The following MEGF11 variants were observed in gnomAD, a reference collection of about 807,000 sequenced individuals.
MEGF11 encodes multiple EGF like domains 11.
MEGF11 carries 126 observed loss-of-function variants against 146.6 expected under a neutral mutation model. That is an observed-to-expected ratio of 0.86 (90% CI 0.74 to 1.00). The LOEUF is 1.00. Ranked by LOEUF, MEGF11 falls within the 50% of genes least tolerant of loss-of-function variation. The pLI is 0.00. For synonymous variants in MEGF11, 532 were observed against 583.4 expected, an observed-to-expected ratio of 0.91 and a Z score of 1.27; for missense variants, 1,509 against 1,521.2, an observed-to-expected ratio of 0.99 and a Z score of 0.13.
At chr15:66,147,389 G>T (rs1205495856) in intron 1 of MEGF11, among the ~76,000 whole-genome samples, 1 of 152,206 alleles carries the variant, frequency 6.6e-6, no homozygotes, top group Non-Finnish European at 1.5e-5. Context: ...GTCAGGCAAG[G>T]CCCTGCACAT....
chr15:66,107,240 A>T (rs2087136559), intron 4 of MEGF11, among the ~76,000 whole-genome samples: 1 of 152,200 alleles, frequency 6.6e-6, no homozygotes, highest in Admixed American at 6.5e-5. Flanking sequence ...CTTGAAAGAC[A>T]GGTCTCCAAA....
At chr15:66,133,252 G>A (rs138758062) in intron 1 of MEGF11, among the ~76,000 whole-genome samples, 2 of 152,182 alleles carry the variant, frequency 1.3e-5, no homozygotes, top group Non-Finnish European at 2.9e-5. Context: ...GCGCATGTCT[G>A]CTCCCCACAC....
intron 7 of MEGF11, among the ~76,000 whole-genome samples, chr15:65,978,669 A>G (rs2081531285): frequency 6.6e-6 from 1 of 152,086 alleles, no homozygotes; most frequent in Non-Finnish European, 1.5e-5. Flanking sequence ...GCCTCTGAGG[A>G]CCCAGCCTGC....
chr15:65,995,589 G>C (rs2082174034), intron 5 of MEGF11, among the ~76,000 whole-genome samples: 1 of 152,232 alleles, frequency 6.6e-6, no homozygotes, highest in Non-Finnish European at 1.5e-5. Context: ...GCTAGGCGCA[G>C]GTCAGAGGAG....
At chr15:66,235,621 C>T (rs549063249) in intron 1 of MEGF11, among the ~76,000 whole-genome samples, 1 of 152,302 alleles carries the variant, frequency 6.6e-6, no homozygotes, top group Middle Eastern at 3.4e-3. Flanking sequence ...TTTCTCAAGC[C>T]TCTGAGCAAC....
intron 5 of MEGF11, among the ~76,000 whole-genome samples, chr15:66,004,005 A>G (rs1181620271): frequency 6.6e-6 from 1 of 152,192 alleles, no homozygotes; most frequent in Non-Finnish European, 1.5e-5. Flanking sequence ...AAAAGGGGGT[A>G]GGCTGAGGAA....
chr15:66,194,841 T>C (rs1377989051), intron 1 of MEGF11, among the ~76,000 whole-genome samples: 1 of 151,962 alleles, frequency 6.6e-6, no homozygotes, highest in Non-Finnish European at 1.5e-5. Flanking sequence ...AACATAAAAA[T>C]TAAAAATTAA....
intron 4 of MEGF11, among the ~76,000 whole-genome samples, chr15:66,116,397 TTAA>T (rs1178197728): frequency 6.6e-6 from 1 of 152,122 alleles, no homozygotes; most frequent in African/African-American, 2.4e-5. Flanking sequence ...TAGTAGGTGC[TTAA>T]TAAATACTGG....
At chr15:66,233,755 G>C (rs1436562411) in intron 1 of MEGF11, among the ~76,000 whole-genome samples, 1 of 152,020 alleles carries the variant, frequency 6.6e-6, no homozygotes, top group Non-Finnish European at 1.5e-5. Context: ...ACCCAATCAT[G>C]GTAGTCCCTT....
At position 65,913,813 on chromosome 15, in the gene MEGF11, C is replaced by T. The variant is rs2078897551; in HGVS notation, c.2634G>A (p.Glu878=). ...CACGGGGAGCCAGGTCTCGGCCCTT[C>T]TCTTTCTGCCGCCGCCGATGCCAGG... is the stretch of plus-strand genomic sequence containing the variant. The part of the protein sequence containing the change: ...LFAWHRRRQK[E]KGRDLAPRVS... The change falls in exon 20 of 26, where the codon GAG becomes GAA. Residue 878 remains glutamate (E), a synonymous_variant. Coordinates refer to ENST00000395614, the MANE Select transcript of MEGF11 (RefSeq NM_001385028.1). 6.2e-6 allele frequency: 10 copies of T among 1,613,944 alleles called. No individual in the cohort carries two copies. The highest frequency in any genetic ancestry group is 8.5e-6 in the Non-Finnish European group (10 of 1,179,866).
At chr15:66,091,465 A>G (rs780060852) in intron 5 of MEGF11, among the ~76,000 whole-genome samples, 3 of 152,212 alleles carry the variant, frequency 2.0e-5, no homozygotes, top group Non-Finnish European at 4.4e-5. Flanking sequence ...AAGGAGGTAG[A>G]GTTATAAGTT....
intron 4 of MEGF11, among the ~76,000 whole-genome samples, chr15:66,095,671 C>A (rs1469255408): frequency 1.3e-5 from 2 of 152,202 alleles, no homozygotes; most frequent in African/African-American, 4.8e-5. Context: ...TTAGCTTTGC[C>A]CAGGCCCCAG....
At chr15:66,053,714 AATTTTTTTTTTTTTT>A (rs1315567928) in intron 5 of MEGF11, among the ~76,000 whole-genome samples, 2 of 42,268 alleles carry the variant, frequency 4.7e-5, no homozygotes, top group Non-Finnish European at 6.4e-5. Context: ...CCCTGGCACC[AATTTTTTTTTTTTTT>A]TTTTTTTTTT....
At chr15:66,242,183 G>A (rs7176880) in intron 1 of MEGF11, among the ~76,000 whole-genome samples, 5,817 of 152,046 alleles carry the variant, frequency 0.038, 378 homozygotes, top group African/African-American at 0.13. Flanking sequence ...AAAGCAGGAG[G>A]ATCACTTGAG....
At chr15:66,126,599 G>A (rs1265505158) in intron 2 of MEGF11, among the ~76,000 whole-genome samples, 3 of 152,250 alleles carry the variant, frequency 2.0e-5, no homozygotes, top group Non-Finnish European at 4.4e-5. Flanking sequence ...TGGAAGAGAG[G>A]GACTCTGGAT....
chr15:66,113,195 C>T lies in MEGF11; in HGVS notation c.301+5891G>A, dbSNP rs564072483. Among the ~76,000 whole-genome samples, 8 of 152,262 alleles carry T rather than the reference C, an allele frequency of 5.3e-5. No individual in the cohort carries two copies. The South Asian group carries it at 1.5e-3, about 28-fold the overall frequency. ...CCAGACCCTCAGCTGCTGGCTCCCT[C>T]GGACACCATGTGCAGACCACCTCCT... On this transcript the variant is annotated intron_variant, in intron 4 of 25. Transcript: ENST00000395614.
intron 1 of MEGF11, among the ~76,000 whole-genome samples, chr15:66,191,119 G>A (rs1192774078): frequency 1.3e-5 from 2 of 152,080 alleles, no homozygotes; most frequent in East Asian, 3.9e-4. Context: ...GGCTGCCTCT[G>A]AAGAAGGAAC....
chr15:66,100,876 G>T (rs1471156708), intron 4 of MEGF11, among the ~76,000 whole-genome samples: 4 of 149,406 alleles, frequency 2.7e-5, no homozygotes, highest in Admixed American at 1.3e-4. Context: ...GGGTGGGTGA[G>T]TGGGTGAGTG....
intron 8 of MEGF11, among the ~76,000 whole-genome samples, chr15:65,966,279 C>G (rs1351363277): frequency 6.6e-6 from 1 of 152,206 alleles, no homozygotes; most frequent in Non-Finnish European, 1.5e-5. Context: ...CAGGCATGAG[C>G]CACCTTGTTT....
Sources: gnomAD v4.1 joint callset for allele counts (sites outside exome capture counted in the v4.1 genomes callset) on GRCh38, gnomAD v4.1.1 for gene constraint, MANE v1.5 for transcripts, NCBI Gene and HGNC (gene_info 2026-07-23, HGNC 2026-07-21) for gene names.